The following ZNF804A variants were observed in gnomAD, a reference collection of about 807,000 sequenced individuals.
The protein encoded by ZNF804A is zinc finger protein 804A.
In ZNF804A, 2 loss-of-function variants were observed where a neutral mutation model predicts 16.5. That is an observed-to-expected ratio of 0.12 (90% confidence interval 0.05 to 0.38). The LOEUF (loss-of-function observed/expected upper bound fraction) is 0.38. Ranked by LOEUF, ZNF804A falls within the 10% of genes least tolerant of loss-of-function variation. ZNF804A has a pLI of 0.99. For synonymous variants in ZNF804A, 534 were observed against 489.6 expected (o/e 1.09, Z -1.20); for missense variants, 1,473 against 1,390.7 (o/e 1.06, Z -0.94).
chr2:184,772,423 A>G (rs901210131), intron 1 of ZNF804A, among the ~76,000 whole-genome samples: 1 of 151,924 alleles, frequency 6.6e-6, no homozygotes, highest in Non-Finnish European at 1.5e-5. Flanking sequence ...TTCATTTAGC[A>G]TTTTGTGAAG....
At chr2:184,895,651 T>G (rs1451280693) in intron 2 of ZNF804A, among the ~76,000 whole-genome samples, 1 of 152,238 alleles carries the variant, frequency 6.6e-6, no homozygotes, top group Non-Finnish European at 1.5e-5. Flanking sequence ...TTAATTAAAA[T>G]GATTCTGAAC....
chr2:184,605,870 C>T (rs937548586), intron 1 of ZNF804A, among the ~76,000 whole-genome samples: 6 of 152,022 alleles, frequency 3.9e-5, no homozygotes, highest in Admixed American at 2.0e-4. Context: ...AGTACACTTC[C>T]TATTACAGTA....
chr2:184,766,737 A>G (rs1694135647), intron 1 of ZNF804A, among the ~76,000 whole-genome samples: 1 of 152,094 alleles, frequency 6.6e-6, no homozygotes, highest in Non-Finnish European at 1.5e-5. Context: ...ATACATTCAT[A>G]TTGTCTCAAA....
At chr2:184,676,030 T>G (rs1481443844) in intron 1 of ZNF804A, among the ~76,000 whole-genome samples, 2 of 151,870 alleles carry the variant, frequency 1.3e-5, no homozygotes, top group East Asian at 3.9e-4. Flanking sequence ...TATTTATGAC[T>G]TCTACTCACA....
At chr2:184,647,422 T>A (rs944776780) in intron 1 of ZNF804A, among the ~76,000 whole-genome samples, 2 of 152,118 alleles carry the variant, frequency 1.3e-5, no homozygotes, top group Non-Finnish European at 2.9e-5. Context: ...AAATGATGGA[T>A]AAAGATTTCA....
chr2:184,902,746 T>C (rs942684348), intron 2 of ZNF804A, among the ~76,000 whole-genome samples: 3 of 152,144 alleles, frequency 2.0e-5, no homozygotes, highest in African/African-American at 7.2e-5. Context: ...ACCATAAATC[T>C]TGTGACTGAT....
intron 2 of ZNF804A, among the ~76,000 whole-genome samples, chr2:184,894,174 G>T (rs6715910): frequency 0.14 from 21,150 of 152,066 alleles, 1,586 homozygotes; most frequent in Middle Eastern, 0.24. Context: ...TTCAGTTACT[G>T]ATGCTATAAA....
chr2:184,874,802 G>A (rs1348681565), intron 2 of ZNF804A, among the ~76,000 whole-genome samples: 1 of 151,942 alleles, frequency 6.6e-6, no homozygotes, highest in Non-Finnish European at 1.5e-5. Flanking sequence ...TGTTCTTATA[G>A]CATGTTTTAT....
intron 1 of ZNF804A, among the ~76,000 whole-genome samples, chr2:184,618,233 A>G (rs1459970724): frequency 6.6e-6 from 1 of 152,018 alleles, no homozygotes; most frequent in Non-Finnish European, 1.5e-5. Flanking sequence ...TTGCTCTTTC[A>G]TTTCTTTGTT....
chr2:184,794,751 C>T (rs1694605343), intron 1 of ZNF804A, among the ~76,000 whole-genome samples: 1 of 151,998 alleles, frequency 6.6e-6, no homozygotes, highest in African/African-American at 2.4e-5. Context: ...CTATCTGCTG[C>T]CTTTGAGACA....
At chr2:184,768,821 C>T (rs899753339) in intron 1 of ZNF804A, among the ~76,000 whole-genome samples, 2 of 152,118 alleles carry the variant, frequency 1.3e-5, no homozygotes, top group Admixed American at 1.3e-4. Flanking sequence ...ACTTTACTGA[C>T]ATTTTGTACA....
In ZNF804A at chr2:184,736,858, C is replaced by CTT. The variant is rs1013724436; in HGVS notation, c.112-129498_112-129497dup. Among the ~76,000 whole-genome samples the CTT allele has an allele frequency of 2.3e-3, 306 of 131,146 alleles. 1 individual carries two copies. The highest frequency in any genetic ancestry group is 7.9e-3 in the African/African-American group (292 of 36,794). 86.0% of individuals were successfully genotyped at this position (131,146 alleles called of 152,430 possible). ...CCAATATTTAGAACTCGTATTTCTT[C>CTT]TTTTTTTTTTTTTTCTGCATAAAGC... On this transcript the variant is annotated intron_variant, in intron 1 of 3. Transcript: ENST00000302277.
At chr2:184,642,574 C>T (rs1168241798) in intron 1 of ZNF804A, among the ~76,000 whole-genome samples, 2 of 152,138 alleles carry the variant, frequency 1.3e-5, no homozygotes, top group African/African-American at 2.4e-5. Context: ...TAGTATACTA[C>T]TTTCCCCTTC....
At chr2:184,678,078 T>C (rs1233288774) in intron 1 of ZNF804A, among the ~76,000 whole-genome samples, 1 of 152,078 alleles carries the variant, frequency 6.6e-6, no homozygotes, top group African/African-American at 2.4e-5. Flanking sequence ...AATTAGTTAG[T>C]GAATTAATTT....
intron 1 of ZNF804A, among the ~76,000 whole-genome samples, chr2:184,667,261 T>C (rs1322038199): frequency 6.6e-6 from 1 of 151,986 alleles, no homozygotes; most frequent in Admixed American, 6.6e-5. Context: ...TAATGTTTTC[T>C]TGGTCTTTTA....
chr2:184,651,134 A>G (rs1691977133), intron 1 of ZNF804A, among the ~76,000 whole-genome samples: 1 of 152,132 alleles, frequency 6.6e-6, no homozygotes. Context: ...CACAGAAAAA[A>G]AGCCATACAC....
intron 1 of ZNF804A, among the ~76,000 whole-genome samples, chr2:184,661,209 G>A (rs1692170870): frequency 6.6e-6 from 1 of 152,096 alleles, no homozygotes; most frequent in African/African-American, 2.4e-5. Context: ...GAAAAGGAGA[G>A]TTACAGCCCT....
chr2:184,607,492 C>G (rs774754604), intron 1 of ZNF804A, among the ~76,000 whole-genome samples: 22 of 151,984 alleles, frequency 1.4e-4, no homozygotes, highest in Non-Finnish European at 2.4e-4. Flanking sequence ...AGAAAAGCCC[C>G]TTATAAAACC....
intron 1 of ZNF804A, among the ~76,000 whole-genome samples, chr2:184,821,082 G>C (rs1695071368): frequency 6.6e-6 from 1 of 151,960 alleles, no homozygotes; most frequent in Non-Finnish European, 1.5e-5. Flanking sequence ...AATTCATATG[G>C]AACCAAGAAA....
Sources: gnomAD v4.1 joint callset for allele counts (sites outside exome capture counted in the v4.1 genomes callset) on GRCh38, gnomAD v4.1.1 for gene constraint, MANE v1.5 for transcripts, NCBI Gene and HGNC (gene_info 2026-07-23, HGNC 2026-07-21) for gene names.